The following SYTL3 variants were observed in gnomAD, a reference collection of about 807,000 sequenced individuals.
SYTL3 encodes the protein synaptotagmin-like protein 3.
SYTL3 carries 88 observed loss-of-function variants against 82.1 expected under a neutral mutation model. The ratio of observed to expected loss-of-function variants is 1.07; its 90% confidence interval spans 0.90 to 1.28. The LOEUF (loss-of-function observed/expected upper bound fraction) is 1.28. Among genes scored for constraint, SYTL3 ranks in the 50% most tolerant of loss-of-function variants. The probability of loss-of-function intolerance (pLI) is 0.00; values close to 1 mark genes in which losing one functional copy is unlikely to be tolerated. For missense variants in SYTL3, 831 were observed against 757.6 expected (o/e 1.10, Z -1.14); for synonymous variants, 311 against 289.4 (o/e 1.07, Z -0.76).
rs111645988 is a variant in SYTL3, at chr6:158,757,377, C to A, written c.1304C>A (p.Ala435Asp). The A allele has an allele frequency of 3.4e-4, 554 of 1,613,786 alleles. 1 individual carries two copies. In the African/African-American group the frequency reaches 5.5e-3, roughly 16 times the overall value. Residue 435 changes from alanine (A) to aspartate (D), a missense_variant, in exon 14 of 18, where the codon GCC (alanine) becomes GAC (aspartate). Coordinates refer to ENST00000611299, the MANE Select transcript of SYTL3 (RefSeq NM_001242394.2). ...TCCTTCCGCTGGCATCCGCTCCGGG[C>A]CAAGGTGATGTCTGGTTTTGGACTG... ...TQSFRWHPLR[A>D]KAEKYEDSVP...
rs999701676 is a variant in SYTL3 at position 158,713,222 on chromosome 6, T to A, written c.517-578T>A. Among the ~76,000 whole-genome samples the A allele has an allele frequency of 7.2e-5, 11 of 152,026 alleles. No individual in the cohort carries two copies. The East Asian group carries it at 1.2e-3, about 16-fold the overall frequency. On this transcript the variant is annotated intron_variant, in intron 8 of 17. Coordinates refer to ENST00000611299, the MANE Select transcript of SYTL3 (RefSeq NM_001242394.2). ...TGGGTGGTAATGTAAGATGGATGGA[T>A]GTTTGGTGGCTAGATGGGTGGATGG...
chr6:158,743,258 G>C (rs1787168106), intron 11 of SYTL3, among the ~76,000 whole-genome samples: 1 of 152,136 alleles, frequency 6.6e-6, no homozygotes, highest in African/African-American at 2.4e-5. Flanking sequence ...TGAAGTGAAA[G>C]GCAGCTCCGG....
At chr6:158,676,617 C>T (rs1472714375) in intron 5 of SYTL3, among the ~76,000 whole-genome samples, 1 of 152,072 alleles carries the variant, frequency 6.6e-6, no homozygotes, top group Non-Finnish European at 1.5e-5. Flanking sequence ...AGTGAACAGG[C>T]AACCTACAGA....
chr6:158,648,847 G>A (rs2165450), upstream of SYTL3, among the ~76,000 whole-genome samples: 40,627 of 152,096 alleles, frequency 0.27, 6,343 homozygotes, highest in East Asian at 0.67. Flanking sequence ...AGAAACTCTG[G>A]CTGACACATA....
At chr6:158,661,441 C>G (rs1789366275) in intron 3 of SYTL3, 56 bp downstream of exon 3, 1 of 152,170 alleles carries the variant, frequency 6.6e-6, no homozygotes, top group Non-Finnish European at 1.5e-5. Flanking sequence ...AGAGAGGAGG[C>G]CTTTGGAGAA....
chr6:158,722,762 G>GTTTTTTTTT (rs34189391), intron 10 of SYTL3, among the ~76,000 whole-genome samples: 1,759 of 80,850 alleles, frequency 0.022, 122 homozygotes, highest in Non-Finnish European at 0.029. Context: ...TCTCTTTTCT[G>GTTTTTTTTT]TTTTTTTTTT....
intron 6 of SYTL3, among the ~76,000 whole-genome samples, chr6:158,701,378 A>G (rs112176251): frequency 0.02 from 2,712 of 133,034 alleles, 29 homozygotes; most frequent in Middle Eastern, 0.035. Context: ...GTGTAGATGA[A>G]GGAGTGTGAG....
intron 10 of SYTL3, among the ~76,000 whole-genome samples, chr6:158,723,242 G>A (rs1000437415): frequency 2.0e-5 from 3 of 151,360 alleles, no homozygotes; most frequent in South Asian, 2.1e-4. Flanking sequence ...CTACAGGCAC[G>A]TGCTAATTTT....
chr6:158,700,322 A>T (rs1334659433), intron 6 of SYTL3, among the ~76,000 whole-genome samples: 2 of 152,098 alleles, frequency 1.3e-5, no homozygotes, highest in African/African-American at 4.8e-5. Context: ...TTGCTATGTT[A>T]TCCAGGCTGG....
intron 6 of SYTL3, among the ~76,000 whole-genome samples, chr6:158,699,842 G>T (rs994584855): frequency 3.3e-5 from 5 of 151,950 alleles, no homozygotes; most frequent in African/African-American, 9.7e-5. Flanking sequence ...CAGCTACTCC[G>T]AGCCTGAGGT....
At chr6:158,762,657 C>T (rs909664495) in intron 16 of SYTL3, among the ~76,000 whole-genome samples, 1 of 152,162 alleles carries the variant, frequency 6.6e-6, no homozygotes, top group African/African-American at 2.4e-5. Context: ...TGGCTCGTGC[C>T]TGTAATCCCA....
chr6:158,717,553 C>T (rs1472279926), intron 9 of SYTL3, among the ~76,000 whole-genome samples: 1 of 152,110 alleles, frequency 6.6e-6, no homozygotes. Flanking sequence ...CTCTAGACCA[C>T]TATTACACTG....
At position 158,717,044 on chromosome 6, in the gene SYTL3, G is replaced by C. The variant is rs112085885; in HGVS notation, c.596-1043G>C. 2.3e-3 allele frequency among the ~76,000 whole-genome samples: 348 copies of C among 152,338 alleles called. 1 individual carries two copies. Among genetic ancestry groups the C allele is most frequent in the African/African-American group, 8.1e-3 (336 of 41,580 alleles). On this transcript the variant is annotated intron_variant, in intron 9 of 17. Coordinates refer to ENST00000611299, the MANE Select transcript of SYTL3 (RefSeq NM_001242394.2). Reference sequence around the variant, plus strand: ...AGCCTGTAATCCCAGCACTTTGGGAGGCCAAGGTGGGTGGATCTCTTGAGC... The same window carrying C: ...AGCCTGTAATCCCAGCACTTTGGGACGCCAAGGTGGGTGGATCTCTTGAGC...
chr6:158,645,867 T>C (rs1787413519), upstream of SYTL3, among the ~76,000 whole-genome samples: 1 of 152,166 alleles, frequency 6.6e-6, no homozygotes, highest in Admixed American at 6.5e-5. Context: ...TAACATATCT[T>C]AGCTCAAAAT....
At chr6:158,690,383 G>A (rs1039158409) in intron 6 of SYTL3, among the ~76,000 whole-genome samples, 1 of 152,162 alleles carries the variant, frequency 6.6e-6, no homozygotes, top group Non-Finnish European at 1.5e-5. Flanking sequence ...GAAACCTAAA[G>A]CTAAATGTAA....
intron 5 of SYTL3, among the ~76,000 whole-genome samples, chr6:158,669,352 T>G (rs1327914185): frequency 1.3e-5 from 2 of 152,256 alleles, no homozygotes; most frequent in Non-Finnish European, 2.9e-5. Context: ...CTTCTTGTCA[T>G]GCTTTGTAAT....
chr6:158,705,746 C>T (rs926267005), intron 6 of SYTL3, among the ~76,000 whole-genome samples: 2 of 147,510 alleles, frequency 1.4e-5, no homozygotes, highest in East Asian at 2.0e-4. Flanking sequence ...TGTAAGGCCA[C>T]GTAGGGCATG....
intron 7 of SYTL3, among the ~76,000 whole-genome samples, chr6:158,707,827 T>C (rs756470387): frequency 6.6e-6 from 1 of 152,258 alleles, no homozygotes; most frequent in African/African-American, 2.4e-5. Flanking sequence ...GCTGCTATTT[T>C]GTTTGGCCCA....
At chr6:158,685,574 T>G (rs967776037) in intron 6 of SYTL3, among the ~76,000 whole-genome samples, 3 of 151,914 alleles carry the variant, frequency 2.0e-5, no homozygotes, top group Admixed American at 2.0e-4. Context: ...ATCCCAGCAC[T>G]TTGGGAGGCC....
Sources: gnomAD v4.1 joint callset for allele counts (sites outside exome capture counted in the v4.1 genomes callset) on GRCh38, gnomAD v4.1.1 for gene constraint, MANE v1.5 for transcripts, NCBI Gene and HGNC (gene_info 2026-07-23, HGNC 2026-07-21) for gene names.